ADCY10: variants seen among roughly 807,000 people sequenced by gnomAD.
ADCY10 encodes adenylate cyclase 10.
A neutral mutation model predicts 183.3 loss-of-function variants in ADCY10; 156 were observed. The observed-to-expected ratio is 0.85, with a 90% CI of 0.75 to 0.97. The LOEUF is 0.97. ADCY10 is among the 50% of genes least tolerant of loss of function. The pLI is 0.00. For synonymous variants in ADCY10, 645 were observed against 670.0 expected, an observed-to-expected ratio of 0.96 and a Z score of 0.58; for missense variants, 1,745 against 1,934.3, an observed-to-expected ratio of 0.90 and a Z score of 1.84.
chr1:167,845,622 C>T lies in ADCY10; in HGVS notation c.2948G>A (p.Arg983Gln), dbSNP rs759850390. The T allele has an allele frequency of 1.8e-5, 29 of 1,614,064 alleles. No individual in the cohort carries two copies. Among genetic ancestry groups the T allele is most frequent in the African/African-American group, 2.7e-5 (2 of 74,916 alleles). Reference sequence around the variant, plus strand: ...GGCATCCATGTCTAAAGCGTTGAGCCGAATATTCACTGTGAAGTGATGATA... The same window carrying T: ...GGCATCCATGTCTAAAGCGTTGAGCTGAATATTCACTGTGAAGTGATGATA... ...IPYHHFTVNI[R>Q]LNALDMDAIK... The change falls in exon 21 of 33, where the codon CGG (arginine) becomes CAG (glutamine). Residue 983 changes from arginine to glutamine, a missense_variant. Physicochemically the swap from Arg to Gln is conservative, Grantham distance 43. Coordinates refer to ENST00000367851, the MANE Select transcript of ADCY10 (RefSeq NM_018417.6).
chr1:167,878,156 G>A (rs1212580582), intron 12 of ADCY10, among the ~76,000 whole-genome samples: 2 of 152,062 alleles, frequency 1.3e-5, no homozygotes, highest in Non-Finnish European at 2.9e-5. Flanking sequence ...GGCCCATTTG[G>A]GTGCAAATAG....
At position 167,824,870 on chromosome 1, in the gene ADCY10, T is replaced by C. The variant is rs370059941; in HGVS notation, c.3751-15A>G. ...GCCTTAATGATCTGAAATGGCAGAG[T>C]GGAGGAAGAGTGAGGCAGAACGCAA... On this transcript the variant is annotated splice_polypyrimidine_tract_variant and intron_variant, in intron 26 of 32. Transcript: ENST00000367851. 1 of 1,612,804 alleles carries C rather than the reference T, an allele frequency of 6.2e-7. No homozygotes were observed. The highest frequency in any genetic ancestry group is 8.5e-7 in the Non-Finnish European group (1 of 1,178,958).
intron 31 of ADCY10, among the ~76,000 whole-genome samples, chr1:167,813,700 C>T (rs901616385): frequency 4.6e-5 from 7 of 152,106 alleles, no homozygotes; most frequent in South Asian, 2.1e-4. Flanking sequence ...GAGATTAATA[C>T]GTTTTTAAAA....
intron 22 of ADCY10, 23 bp downstream of exon 22, chr1:167,837,226 T>G (rs1664276505): frequency 1.3e-6 from 2 of 1,586,178 alleles, no homozygotes; most frequent in Non-Finnish European, 1.7e-6. Context: ...CTCTACTTCC[T>G]AAACAATGAT....
intron 21 of ADCY10, 85 bp from the exon 22 acceptor site, chr1:167,837,403 C>T: frequency 7.8e-7 from 1 of 1,284,310 alleles, no homozygotes; most frequent in Non-Finnish European, 1.1e-6. Context: ...GACTCTTGTT[C>T]CCTTTTCGGA....
At chr1:167,870,532 C>G in intron 13 of ADCY10, 122 bp from the exon 14 acceptor site, 1 of 857,370 alleles carries the variant, frequency 1.2e-6, no homozygotes, top group East Asian at 2.8e-5. Context: ...GTGGCTCACT[C>G]CTGTAATCCC....
intron 13 of ADCY10, 58 bp from the exon 14 acceptor site, chr1:167,870,468 T>C (rs1667022460): frequency 6.9e-7 from 1 of 1,451,554 alleles, no homozygotes; most frequent in Non-Finnish European, 9.5e-7. Flanking sequence ...AGTCTAGAGA[T>C]ATAAAAAGTC....
intron 23 of ADCY10, 115 bp downstream of exon 23, chr1:167,836,193 GT>G: frequency 1.4e-6 from 1 of 737,218 alleles, no homozygotes; most frequent in East Asian, 2.7e-5. Flanking sequence ...GTGGAAAGGG[GT>G]GCTGTCGGGA....
chr1:167,824,231 G>C (rs1358701412), intron 28 of ADCY10, among the ~76,000 whole-genome samples: 1 of 152,088 alleles, frequency 6.6e-6, no homozygotes, highest in African/African-American at 2.4e-5. Context: ...GTTGAGGCAG[G>C]AGAATTGTCT....
At chr1:167,903,691 TGTATTA>T (rs1669599930) in intron 3 of ADCY10, among the ~76,000 whole-genome samples, 190 bp downstream of exon 3, 1 of 152,192 alleles carries the variant, frequency 6.6e-6, no homozygotes, top group Admixed American at 6.5e-5. Flanking sequence ...TCAAATAGTC[TGTATTA>T]GTGAGGTTTG....
intron 8 of ADCY10, among the ~76,000 whole-genome samples, chr1:167,890,442 G>A (rs1251525604): frequency 1.3e-5 from 2 of 152,154 alleles, no homozygotes; most frequent in Non-Finnish European, 2.9e-5. Flanking sequence ...GCTGCTTGGA[G>A]CTGGGGGTGG....
chr1:167,858,368 C>T (rs1379766177), intron 16 of ADCY10, among the ~76,000 whole-genome samples: 1 of 151,596 alleles, frequency 6.6e-6, no homozygotes, highest in Non-Finnish European at 1.5e-5. Context: ...TGTGGTGGTG[C>T]GTGCCTGTAG....
chr1:167,910,146 G>T (rs773596818), intron 1 of ADCY10, among the ~76,000 whole-genome samples: 3 of 152,142 alleles, frequency 2.0e-5, no homozygotes, highest in South Asian at 2.1e-4. Context: ...TCTTTAACCC[G>T]GGTGTCTAAG....
chr1:167,898,488 G>T (rs1669159163), intron 6 of ADCY10, among the ~76,000 whole-genome samples: 1 of 151,868 alleles, frequency 6.6e-6, no homozygotes, highest in African/African-American at 2.4e-5. Context: ...TAATTCCAGC[G>T]ACTCGGAAGG....
chr1:167,851,269 C>A (rs568480037), intron 18 of ADCY10, among the ~76,000 whole-genome samples: 2 of 152,216 alleles, frequency 1.3e-5, no homozygotes, highest in Non-Finnish European at 2.9e-5. Context: ...TTGCTGCAGC[C>A]TCAACCTCCC....
intron 8 of ADCY10, among the ~76,000 whole-genome samples, chr1:167,884,331 CA>C (rs1436666510): frequency 5.3e-5 from 8 of 152,052 alleles, no homozygotes; most frequent in Admixed American, 2.0e-4. Context: ...CAGAGGAGAG[CA>C]GGGGGAGTGC....
At chr1:167,883,690 G>A (rs1473862250) in intron 8 of ADCY10, 62 bp from the exon 9 acceptor site, 24 of 1,504,618 alleles carry the variant, frequency 1.6e-5, no homozygotes, top group Non-Finnish European at 2.0e-5. Flanking sequence ...CCCCAACACC[G>A]CCCCCACCTC....
chr1:167,818,040 T>C, intron 31 of ADCY10, 32 bp downstream of exon 31: 4 of 1,600,966 alleles, frequency 2.5e-6, no homozygotes, highest in Non-Finnish European at 3.4e-6. Flanking sequence ...TTAAGGCATA[T>C]TTTATACTGG....
At chr1:167,837,041 A>T in intron 22 of ADCY10, 2 of 605,106 alleles carry the variant, frequency 3.3e-6, no homozygotes, top group Admixed American at 2.5e-5. Flanking sequence ...ATAAATAAAT[A>T]AAATAAAATA....
Sources: allele counts gnomAD v4.1 joint callset (sites outside exome capture counted in the v4.1 genomes callset), GRCh38; gene constraint gnomAD v4.1.1; transcripts MANE v1.5; gene names NCBI Gene and HGNC (gene_info 2026-07-23, HGNC 2026-07-21).